Variants in SPAG16 observed in about 807,000 individuals in gnomAD.
SPAG16 encodes sperm-associated antigen 16 protein.
Under a neutral mutation model 80.4 loss-of-function variants are expected in SPAG16, and 86 were observed. That is an observed-to-expected ratio of 1.07 (90% confidence interval 0.90 to 1.28). The LOEUF is 1.28. Ranked by LOEUF, SPAG16 falls within the 50% of genes most tolerant of loss-of-function variation. The pLI, the probability that SPAG16 is intolerant of heterozygous loss-of-function variation, is 0.00. For synonymous variants in SPAG16, 294 were observed against 265.9 expected, an observed-to-expected ratio of 1.11 and a Z score of -1.03; for missense variants, 870 against 765.3, an observed-to-expected ratio of 1.14 and a Z score of -1.61.
intron 10 of SPAG16, among the ~76,000 whole-genome samples, chr2:213,703,633 A>G (rs989255296): frequency 6.6e-6 from 1 of 152,158 alleles, no homozygotes; most frequent in Non-Finnish European, 1.5e-5. Flanking sequence ...CTTTCAAGAA[A>G]AGACTCATTG....
chr2:213,920,545 G>A (rs1347382113), intron 11 of SPAG16, among the ~76,000 whole-genome samples: 1 of 152,270 alleles, frequency 6.6e-6, no homozygotes, highest in East Asian at 1.9e-4. Context: ...TGTGGCCATG[G>A]GGGCTGCCCC....
chr2:214,359,936 T>G (rs1252266972), intron 15 of SPAG16, among the ~76,000 whole-genome samples: 1 of 151,836 alleles, frequency 6.6e-6, no homozygotes, highest in African/African-American at 2.4e-5. Flanking sequence ...AGAGAGAAGA[T>G]TTAGTCTACA....
intron 12 of SPAG16, among the ~76,000 whole-genome samples, chr2:213,988,591 T>A (rs773566156): frequency 4.0e-5 from 6 of 151,886 alleles, no homozygotes; most frequent in Non-Finnish European, 5.9e-5. Context: ...TCAGCAAGGT[T>A]ACAGAATTCA....
At chr2:213,573,925 T>A (rs2060020060) in intron 10 of SPAG16, among the ~76,000 whole-genome samples, 1 of 152,258 alleles carries the variant, frequency 6.6e-6, no homozygotes, top group East Asian at 1.9e-4. Flanking sequence ...ACTTGTCCCC[T>A]GGGGATCTTG....
rs184820160 is a variant in SPAG16, at chr2:213,566,841, A to G, written c.1070+76751A>G. Among the ~76,000 whole-genome samples the G allele has an allele frequency of 2.9e-3, 444 of 152,308 alleles. 1 individual carries two copies. Among genetic ancestry groups the G allele is most frequent in the Non-Finnish European group, 4.9e-3 (336 of 68,020 alleles). Reference sequence around the variant, plus strand: ...GATTTAGTTGCCAGATTATATTGATATAGTTAATGGTACACACTGTTATAT... The same window carrying G: ...GATTTAGTTGCCAGATTATATTGATGTAGTTAATGGTACACACTGTTATAT... On this transcript the variant is annotated intron_variant, in intron 10 of 15. Coordinates refer to ENST00000331683, the MANE Select transcript of SPAG16 (RefSeq NM_024532.5).
At chr2:214,291,228 C>T (rs1693766007) in intron 15 of SPAG16, among the ~76,000 whole-genome samples, 2 of 150,110 alleles carry the variant, frequency 1.3e-5, no homozygotes, top group South Asian at 4.2e-4. Context: ...TCCAGCACTT[C>T]ACTTTGAGTC....
At chr2:213,771,785 C>T (rs1357168132) in intron 10 of SPAG16, among the ~76,000 whole-genome samples, 1 of 152,092 alleles carries the variant, frequency 6.6e-6, no homozygotes, top group Non-Finnish European at 1.5e-5. Flanking sequence ...TTTCTGAGAT[C>T]TCTATTCTGT....
chr2:213,623,523 A>G (rs2061857265), intron 10 of SPAG16, among the ~76,000 whole-genome samples: 3 of 152,010 alleles, frequency 2.0e-5, no homozygotes, highest in African/African-American at 7.2e-5. Context: ...CTTTTGTTCC[A>G]TTGTCAGAAT....
chr2:213,397,431 A>G (rs2068097641), intron 9 of SPAG16, among the ~76,000 whole-genome samples: 1 of 152,044 alleles, frequency 6.6e-6, no homozygotes, highest in African/African-American at 2.4e-5. Flanking sequence ...CCTTCCGTGA[A>G]TCTCATGTCA....
Position 214,080,441 on chromosome 2 carries a change from A to T in SPAG16, c.1528-27755A>T, listed in dbSNP as rs1291491466. ...GTGAAACCCCATCTCTACTAAAAAT[A>T]CAAAAAAAAAAAAAAAATTAGCCGG... On this transcript the variant is annotated intron_variant, in intron 13 of 15. Coordinates refer to ENST00000331683, the MANE Select transcript of SPAG16 (RefSeq NM_024532.5). 9.6e-5 allele frequency among the ~76,000 whole-genome samples: 8 copies of T among 82,954 alleles called. 1 individual carries two copies. Among genetic ancestry groups the T allele is most frequent in the African/African-American group, 4.1e-4 (8 of 19,528 alleles). The allele number at this position is 82,954 out of a possible 152,430, so 54.4% of individuals were successfully genotyped here.
chr2:213,311,089 A>G (rs1429809632), intron 4 of SPAG16, among the ~76,000 whole-genome samples: 1 of 151,702 alleles, frequency 6.6e-6, no homozygotes, highest in East Asian at 1.9e-4. Context: ...ATTATTTTAA[A>G]TTGCACATGT....
intron 9 of SPAG16, among the ~76,000 whole-genome samples, chr2:213,409,299 G>A (rs768343376): frequency 9.2e-5 from 14 of 152,140 alleles, no homozygotes; most frequent in Non-Finnish European, 1.5e-4. Context: ...CAGTTTATGT[G>A]CAAGGTGTGT....
At chr2:213,776,504 C>A (rs1346194597) in intron 10 of SPAG16, among the ~76,000 whole-genome samples, 1 of 152,176 alleles carries the variant, frequency 6.6e-6, no homozygotes, top group Admixed American at 6.5e-5. Flanking sequence ...GATAACAAAT[C>A]TGTGTTGTTT....
At chr2:213,547,565 AT>A (rs1388144461) in intron 10 of SPAG16, among the ~76,000 whole-genome samples, 1 of 152,186 alleles carries the variant, frequency 6.6e-6, no homozygotes, top group African/African-American at 2.4e-5. Context: ...AAATCATGAC[AT>A]TTTAAATCAT....
At chr2:214,021,456 C>T (rs902259939) in intron 13 of SPAG16, among the ~76,000 whole-genome samples, 5 of 152,028 alleles carry the variant, frequency 3.3e-5, no homozygotes, top group African/African-American at 4.8e-5. Context: ...GGGAAACTCC[C>T]GTTTTTAAAA....
At chr2:213,646,130 AG>A (rs2062814723) in intron 10 of SPAG16, among the ~76,000 whole-genome samples, 1 of 152,160 alleles carries the variant, frequency 6.6e-6, no homozygotes, top group Non-Finnish European at 1.5e-5. Flanking sequence ...CAGGTCAGGG[AG>A]GGGTGGCATC....
intron 13 of SPAG16, among the ~76,000 whole-genome samples, chr2:214,020,752 G>T (rs888039458): frequency 2.6e-5 from 4 of 152,100 alleles, no homozygotes; most frequent in Non-Finnish European, 4.4e-5. Context: ...TTTTGTTAGG[G>T]TTTCCTCTTG....
intron 10 of SPAG16, among the ~76,000 whole-genome samples, chr2:213,564,625 GC>G (rs1477315938): frequency 6.6e-6 from 1 of 152,104 alleles, no homozygotes; most frequent in East Asian, 1.9e-4. Context: ...TGTAGTACAT[GC>G]CTTGTAGCAC....
intron 12 of SPAG16, among the ~76,000 whole-genome samples, chr2:213,940,950 T>G (rs2079174162): frequency 6.6e-6 from 1 of 152,168 alleles, no homozygotes; most frequent in Non-Finnish European, 1.5e-5. Flanking sequence ...TGAGTTATAA[T>G]GATTCTCATT....
Sources: allele counts gnomAD v4.1 joint callset (sites outside exome capture counted in the v4.1 genomes callset), GRCh38; gene constraint gnomAD v4.1.1; transcripts MANE v1.5; gene names NCBI Gene and HGNC (gene_info 2026-07-23, HGNC 2026-07-21).